The following SLC19A2 variants were observed in gnomAD, a reference collection of about 807,000 sequenced individuals.
SLC19A2 encodes the protein thiamine transporter 1.
In SLC19A2, 27 loss-of-function variants were observed where a neutral mutation model predicts 44.7. That is an observed-to-expected ratio of 0.60 (90% CI 0.45 to 0.83). SLC19A2 has a LOEUF of 0.83. Among genes scored for constraint, SLC19A2 ranks in the 40% least tolerant of loss-of-function variants. The probability of loss-of-function intolerance (pLI) is 0.00; values close to 1 mark genes in which losing one functional copy is unlikely to be tolerated. For synonymous variants in SLC19A2, 239 were observed against 243.6 expected (o/e 0.98, Z 0.18); for missense variants, 566 against 613.7 (o/e 0.92, Z 0.82).
intron 3 of SLC19A2, 66 bp downstream of exon 3, chr1:169,469,898 T>C: frequency 7.0e-7 from 1 of 1,421,054 alleles, no homozygotes; most frequent in Non-Finnish European, 9.9e-7. Flanking sequence ...AATCTGATTA[T>C]GGCTGGCTTA....
intron 4 of SLC19A2, 56 bp downstream of exon 4, chr1:169,468,588 A>C: frequency 6.6e-7 from 1 of 1,511,148 alleles, no homozygotes; most frequent in South Asian, 1.2e-5. Context: ...TAAAGAAACC[A>C]AAAAATTTAT....
rs140605782 is a variant in SLC19A2 at position 169,467,683 on chromosome 1, C to G, written c.1365+428G>C. ...TTGTTCATCAGCAGCAAGGCATTAC[C>G]GTGGTATTTGGGTGAGGGGTGTTTT... is the stretch of plus-strand genomic sequence containing the variant. On this transcript the variant is annotated intron_variant, in intron 5 of 5. Transcript: ENST00000236137. Among the ~76,000 whole-genome samples the G allele has an allele frequency of 1.4e-3, 210 of 152,188 alleles. 2 individuals carry two copies. The highest frequency in any genetic ancestry group is 4.8e-3 in the African/African-American group (199 of 41,522).
intron 1 of SLC19A2, 25 bp from the exon 2 acceptor site, chr1:169,477,782 A>C (rs1050437778): frequency 7.6e-6 from 12 of 1,587,092 alleles, no homozygotes; most frequent in Middle Eastern, 1.7e-4. Flanking sequence ...AAAAAAAAAA[A>C]CAAAAAACAT....
chr1:169,464,230 C>T lies in SLC19A2; in HGVS notation c.*1619G>A. 1 of 152,490 alleles carries T rather than the reference C, an allele frequency of 6.6e-6. No individual in the cohort carries two copies. Among genetic ancestry groups the T allele is most frequent in the Admixed American group, 6.5e-5 (1 of 15,274 alleles). The allele number at this position is 152,490 out of a possible 1,614,324, so 9.4% of individuals were successfully genotyped here. On this transcript the variant is annotated 3_prime_UTR_variant, in exon 6 of 6. Transcript: ENST00000236137. ...AAAAGATTTAATAAAATCCCTCAAA[C>T]AGCACTTTTCTACTTGTTTCGGAGT...
rs1341328820 is a variant in SLC19A2, at chr1:169,477,596, C to T, written c.366G>A (p.Leu122=). 2 of 1,613,880 alleles carry T rather than the reference C, an allele frequency of 1.2e-6. No homozygotes were observed. The highest frequency in any genetic ancestry group is 2.7e-5 in the African/African-American group (2 of 74,826). Residue 122 remains leucine (L), a synonymous_variant, in exon 2 of 6, where the codon CTG becomes CTA. Transcript: ENST00000236137. Reference sequence around the variant, plus strand: ...AAAAAAATTCTAGAAATTGAATGGCCAGCAGTCCCTGGGCATAGAGCAGCA... The same window carrying T: ...AAAAAAATTCTAGAAATTGAATGGCTAGCAGTCCCTGGGCATAGAGCAGCA... ...WFMLLYAQGL[L]AIQFLEFFYG...
intron 2 of SLC19A2, among the ~76,000 whole-genome samples, chr1:169,472,121 A>G (rs982361494): frequency 6.6e-6 from 1 of 152,222 alleles, no homozygotes; most frequent in Non-Finnish European, 1.5e-5. Context: ...GGCACTGTGT[A>G]TGAGAGCAAA....
At position 169,477,356 on chromosome 1, in the gene SLC19A2, A is replaced by C; in HGVS notation, c.606T>G (p.Phe202Leu). 1.2e-6 allele frequency: 2 copies of C among 1,614,228 alleles called. No homozygotes were observed. The highest frequency in any genetic ancestry group is 1.1e-5 in the South Asian group (1 of 91,088). ...VISLTCVSVA[F>L]AVAWFLPMPQ... is the part of the protein sequence containing the mutation. ...GCATAGGTAAAAACCAGGCCACAGC[A>C]AAAGCCACTGAAACACAGGTAAGAG... Residue 202 changes from phenylalanine to leucine, a missense_variant, in exon 2 of 6, where the codon TTT (phenylalanine) becomes TTG (leucine). Phe to Leu is a conservative substitution (Grantham distance 22). Coordinates refer to ENST00000236137, the MANE Select transcript of SLC19A2 (RefSeq NM_006996.3).
chr1:169,471,698 G>GTGTGTGTGTGTGTA lies in SLC19A2; in HGVS notation c.808-1513_808-1512insTACACACACACACA, dbSNP rs1553212202. 8.5e-3 allele frequency among the ~76,000 whole-genome samples: 1,250 copies of GTGTGTGTGTGTGTA among 146,946 alleles called. 15 individuals are homozygous for GTGTGTGTGTGTGTA. Among genetic ancestry groups the GTGTGTGTGTGTGTA allele is most frequent in the African/African-American group, 0.025 (998 of 39,440 alleles). On this transcript the variant is annotated intron_variant, in intron 2 of 5. Coordinates refer to ENST00000236137, the MANE Select transcript of SLC19A2 (RefSeq NM_006996.3). ...AACGTGTGTGTGTGTGTGTGTGTGT[G>GTGTGTGTGTGTGTA]TATATATACACACACACCATATATA... is the stretch of plus-strand genomic sequence containing the variant.
At position 169,485,908 on chromosome 1, in the gene SLC19A2, G is replaced by T; in HGVS notation, c.-142C>A. ...CGTTCTGGACTCGCCGCCGCCTCCG[G>T]CTACAGAACCCCCAGCTTTACCCTA... On this transcript the variant is annotated 5_prime_UTR_variant, in exon 1 of 6. Coordinates refer to ENST00000236137, the MANE Select transcript of SLC19A2 (RefSeq NM_006996.3). 1 of 986,098 alleles carries T rather than the reference G, an allele frequency of 1.0e-6. No individual in the cohort carries two copies. Among genetic ancestry groups the T allele is most frequent in the Non-Finnish European group, 1.5e-6 (1 of 688,842 alleles). 61.1% of individuals were successfully genotyped at this position (986,098 alleles called of 1,614,324 possible).
At chr1:169,481,437 C>T (rs1238458350) in intron 1 of SLC19A2, among the ~76,000 whole-genome samples, 1 of 152,220 alleles carries the variant, frequency 6.6e-6, no homozygotes, top group Admixed American at 6.5e-5. Context: ...CTTGCAGTAG[C>T]TTTTCCAATC....
intron 1 of SLC19A2, among the ~76,000 whole-genome samples, chr1:169,478,523 ATTTTTTT>A (rs35141285): frequency 9.0e-5 from 6 of 66,638 alleles, no homozygotes; most frequent in African/African-American, 2.6e-4. Context: ...CAACCAGCTA[ATTTTTTT>A]TTTTTTTTTT....
intron 1 of SLC19A2, 60 bp downstream of exon 1, chr1:169,485,503 C>T: frequency 1.3e-6 from 2 of 1,532,558 alleles, no homozygotes; most frequent in Non-Finnish European, 1.8e-6. Flanking sequence ...TCTCTTCCTC[C>T]GCTGCCCACC....
rs771588573 is a variant in SLC19A2 at position 169,477,239 on chromosome 1, G to T, written c.723C>A (p.Thr241=). 6.2e-7 allele frequency: 1 copy of T among 1,614,052 alleles called. No homozygotes were observed. The highest frequency in any genetic ancestry group is 1.1e-5 in the South Asian group (1 of 91,070). Residue 241 remains threonine (T), a synonymous_variant, in exon 2 of 6, where the codon ACC becomes ACA. Coordinates refer to ENST00000236137, the MANE Select transcript of SLC19A2 (RefSeq NM_006996.3). ...KVQNGGIVTD[T]PASNHLPGWE... ...AGCCAGGAAGGTGGTTAGAAGCTGGGGTGTCAGTAACAATGCCACCATTTT... is the reference window on the plus strand; with the variant it reads ...AGCCAGGAAGGTGGTTAGAAGCTGGTGTGTCAGTAACAATGCCACCATTTT...
chr1:169,465,763 A>G lies in SLC19A2; in HGVS notation c.*86T>C, dbSNP rs1170934425. On this transcript the variant is annotated 3_prime_UTR_variant, in exon 6 of 6. Transcript: ENST00000236137. Reference sequence around the variant, plus strand: ...AGTCAAGAAATGCACATTCATAAATATATGTCTACGCTTTAAAAAATCAAA... The same window carrying G: ...AGTCAAGAAATGCACATTCATAAATGTATGTCTACGCTTTAAAAAATCAAA... 4 of 1,444,632 alleles carry G rather than the reference A, an allele frequency of 2.8e-6. No individual in the cohort carries two copies. The Admixed American group carries it at 6.7e-5, about 24-fold the overall frequency. 89.5% of individuals were successfully genotyped at this position (1,444,632 alleles called of 1,614,324 possible). A position where few individuals can be genotyped will look rare whatever the true frequency, so the allele number is the denominator to read the frequency against.
Position 169,465,686 on chromosome 1 carries a change from T to G in SLC19A2, c.*163A>C. 1 of 714,482 alleles carries G rather than the reference T, an allele frequency of 1.4e-6. No homozygotes were observed. The highest frequency in any genetic ancestry group is 3.6e-4 in the Middle Eastern group (1 of 2,782). 44.3% of individuals were successfully genotyped at this position (714,482 alleles called of 1,614,324 possible). A position where few individuals can be genotyped will look rare whatever the true frequency, so the allele number is the denominator to read the frequency against. ...AAACTTTACTTCTGGCTCCTCTGAA[T>G]AGTATCATGTTATTCCCGGAACACA... On this transcript the variant is annotated 3_prime_UTR_variant, in exon 6 of 6. Coordinates refer to ENST00000236137, the MANE Select transcript of SLC19A2 (RefSeq NM_006996.3).
Position 169,477,300 on chromosome 1 carries a change from G to T in SLC19A2, c.662C>A (p.Pro221His). 1 of 1,614,132 alleles carries T rather than the reference G, an allele frequency of 6.2e-7. No individual in the cohort carries two copies. The highest frequency in any genetic ancestry group is 8.5e-7 in the Non-Finnish European group (1 of 1,180,032). Residue 221 changes from proline (P) to histidine (H), a missense_variant, in exon 2 of 6, where the codon CCT becomes CAT. Pro to His is a moderately conservative substitution (Grantham distance 77). Transcript: ENST00000236137. The stretch of plus-strand genomic sequence containing the variant: ...GCCATTCACTCTCTGGCAGGTAGAA[G>T]GAATGTGGTGAAAGAAGAGGCTCTT... ...PQKSLFFHHI[P>H]STCQRVNGIK...
intron 1 of SLC19A2, among the ~76,000 whole-genome samples, chr1:169,479,745 A>G (rs915405265): frequency 3.3e-5 from 5 of 152,182 alleles, no homozygotes; most frequent in South Asian, 2.1e-4. Flanking sequence ...GCTTTTTGAA[A>G]GGTAGTTTTG....
chr1:169,480,470 G>A (rs759361090), intron 1 of SLC19A2, among the ~76,000 whole-genome samples: 63 of 151,988 alleles, frequency 4.1e-4, no homozygotes, highest in Non-Finnish European at 1.5e-4. Context: ...CTGTCACCAT[G>A]CCGGGCCAAT....
At chr1:169,481,890 G>T (rs1658450590) in intron 1 of SLC19A2, among the ~76,000 whole-genome samples, 1 of 152,166 alleles carries the variant, frequency 6.6e-6, no homozygotes, top group Non-Finnish European at 1.5e-5. Flanking sequence ...TTTTCAACCA[G>T]CACGGAGGTG....
Sources: allele counts gnomAD v4.1 joint callset (sites outside exome capture counted in the v4.1 genomes callset), GRCh38; gene constraint gnomAD v4.1.1; transcripts MANE v1.5; gene names NCBI Gene and HGNC (gene_info 2026-07-23, HGNC 2026-07-21).